SCFD2: variants seen among roughly 807,000 people sequenced by gnomAD.
SCFD2 encodes the protein sec1 family domain containing 2, also known as sec1 family domain-containing protein 2.
Under a neutral mutation model 58.9 loss-of-function variants are expected in SCFD2, and 54 were observed. The observed-to-expected ratio is 0.92, with a 90% CI of 0.74 to 1.15. The LOEUF is 1.15. SCFD2 is among the 50% of genes most tolerant of loss of function. SCFD2 has a pLI of 0.00. For synonymous variants in SCFD2, 321 were observed against 335.9 expected (o/e 0.96, Z 0.49); for missense variants, 805 against 836.6 (o/e 0.96, Z 0.47).
At chr4:53,352,561 CAGAG>C in intron 2 of SCFD2, 33 bp downstream of exon 2, 1 of 1,532,246 alleles carries the variant, frequency 6.5e-7, no homozygotes, top group Non-Finnish European at 9.0e-7. Context: ...AAGGGGAAGA[CAGAG>C]AAAGATAAGA....
intron 4 of SCFD2, among the ~76,000 whole-genome samples, chr4:53,249,630 A>T (rs1202555096): frequency 6.6e-6 from 1 of 152,234 alleles, no homozygotes; most frequent in Non-Finnish European, 1.5e-5. Context: ...TACAAGCCAG[A>T]AGAGAGTGGG....
At chr4:53,295,878 G>C (rs1732012311) in intron 3 of SCFD2, among the ~76,000 whole-genome samples, 1 of 152,180 alleles carries the variant, frequency 6.6e-6, no homozygotes, top group African/African-American at 2.4e-5. Context: ...GGTGTTTTCT[G>C]CATCTATTGA....
intron 5 of SCFD2, among the ~76,000 whole-genome samples, chr4:53,023,056 G>T (rs967725013): frequency 1.3e-5 from 2 of 152,066 alleles, no homozygotes; most frequent in Admixed American, 6.5e-5. Context: ...TTAATTTATG[G>T]TGATCATGAG....
At chr4:52,992,276 G>A (rs1721629731) in intron 5 of SCFD2, among the ~76,000 whole-genome samples, 1 of 152,340 alleles carries the variant, frequency 6.6e-6, no homozygotes, top group South Asian at 2.1e-4. Flanking sequence ...TGATCTGCCA[G>A]CCTCGGCCTC....
At chr4:52,924,162 T>C (rs1048186939) in intron 5 of SCFD2, among the ~76,000 whole-genome samples, 4 of 152,210 alleles carry the variant, frequency 2.6e-5, no homozygotes, top group African/African-American at 4.8e-5. Context: ...ATATGGTCTC[T>C]TGCAATTTTT....
At chr4:52,894,768 C>T (rs1044271025) in intron 7 of SCFD2, among the ~76,000 whole-genome samples, 7 of 152,186 alleles carry the variant, frequency 4.6e-5, no homozygotes, top group South Asian at 2.1e-4. Flanking sequence ...TTACTTCAAA[C>T]ACTTTCTCAG....
chr4:52,943,566 T>C (rs1206099069), intron 5 of SCFD2, among the ~76,000 whole-genome samples: 1 of 152,118 alleles, frequency 6.6e-6, no homozygotes, highest in Non-Finnish European at 1.5e-5. Context: ...ACTTTGTGAA[T>C]TTCCCTTATC....
intron 5 of SCFD2, among the ~76,000 whole-genome samples, chr4:53,014,602 T>C (rs1228537430): frequency 1.3e-5 from 2 of 152,248 alleles, no homozygotes; most frequent in Non-Finnish European, 2.9e-5. Context: ...AAGTGCTGCC[T>C]CAGCCCTCTG....
chr4:52,907,980 A>G lies in SCFD2; in HGVS notation c.1708-389T>C, dbSNP rs143227282. ...GAAGATGGTCTCCAGTTTTTCCTGA[A>G]CATTCTTAGCATTATGCTCTCCTCT... On this transcript the variant is annotated intron_variant, in intron 6 of 8. Coordinates refer to ENST00000401642, the MANE Select transcript of SCFD2 (RefSeq NM_152540.4). Among the ~76,000 whole-genome samples the G allele has an allele frequency of 3.5e-4, 53 of 152,270 alleles. 1 individual carries two copies. The highest frequency in any genetic ancestry group is 1.2e-3 in the African/African-American group (51 of 41,544).
intron 6 of SCFD2, among the ~76,000 whole-genome samples, chr4:52,909,094 C>T (rs1719418970): frequency 6.6e-6 from 1 of 152,136 alleles, no homozygotes; most frequent in Non-Finnish European, 1.5e-5. Context: ...AACAGGCCCT[C>T]TTATACATTG....
chr4:53,235,822 T>A (rs1284543571), intron 4 of SCFD2, among the ~76,000 whole-genome samples: 1 of 152,204 alleles, frequency 6.6e-6, no homozygotes, highest in East Asian at 1.9e-4. Context: ...CGTGTGTGCA[T>A]ACATATGTGT....
chr4:53,162,623 T>C (rs1726885313), intron 4 of SCFD2, among the ~76,000 whole-genome samples: 1 of 151,964 alleles, frequency 6.6e-6, no homozygotes, highest in African/African-American at 2.4e-5. Context: ...TTTTTAATGA[T>C]TGCCATTCTA....
intron 3 of SCFD2, among the ~76,000 whole-genome samples, chr4:53,286,011 T>C (rs549451763): frequency 6.6e-6 from 1 of 152,258 alleles, no homozygotes; most frequent in South Asian, 2.1e-4. Flanking sequence ...TGCTAGAGTG[T>C]ACCCTTCTCT....
intron 4 of SCFD2, among the ~76,000 whole-genome samples, chr4:53,148,503 T>C (rs1726405851): frequency 6.6e-6 from 1 of 152,180 alleles, no homozygotes; most frequent in Admixed American, 6.5e-5. Context: ...AAAAGCTAGA[T>C]TCCAACCCCG....
intron 5 of SCFD2, among the ~76,000 whole-genome samples, chr4:52,925,969 C>G (rs1719853424): frequency 6.6e-6 from 1 of 152,276 alleles, no homozygotes; most frequent in East Asian, 1.9e-4. Flanking sequence ...CCTACACTTC[C>G]TCTATTCCCC....
intron 4 of SCFD2, among the ~76,000 whole-genome samples, chr4:53,151,014 A>G (rs190939647): frequency 2.6e-4 from 39 of 152,330 alleles, no homozygotes; most frequent in Non-Finnish European, 4.4e-4. Flanking sequence ...ATAAAATATT[A>G]CTACCACGAC....
At chr4:52,974,560 G>A (rs983123869) in intron 5 of SCFD2, among the ~76,000 whole-genome samples, 1 of 152,270 alleles carries the variant, frequency 6.6e-6, no homozygotes, top group Non-Finnish European at 1.5e-5. Context: ...CTCATGGGTA[G>A]GAAGAATCAA....
At chr4:53,017,821 A>C (rs1279501383) in intron 5 of SCFD2, among the ~76,000 whole-genome samples, 1 of 152,162 alleles carries the variant, frequency 6.6e-6, no homozygotes, top group Non-Finnish European at 1.5e-5. Flanking sequence ...GAAGAAACCC[A>C]GCAAGCCACC....
intron 3 of SCFD2, among the ~76,000 whole-genome samples, chr4:53,289,810 A>C (rs1175183370): frequency 6.6e-6 from 1 of 152,170 alleles, no homozygotes; most frequent in African/African-American, 2.4e-5. Context: ...AAAAAGTAAC[A>C]ACAACAACAA....
Sources: gnomAD v4.1 joint callset for allele counts (sites outside exome capture counted in the v4.1 genomes callset) on GRCh38, gnomAD v4.1.1 for gene constraint, MANE v1.5 for transcripts, NCBI Gene and HGNC (gene_info 2026-07-23, HGNC 2026-07-21) for gene names.